Variants in TBCK observed in about 807,000 individuals in gnomAD.
The protein encoded by TBCK is TBC1 domain containing kinase, also known as TBC domain-containing protein kinase-like protein.
In TBCK, 99 loss-of-function variants were observed where a neutral mutation model predicts 113.4. That is an observed-to-expected ratio of 0.87 (90% CI 0.74 to 1.03). The LOEUF (loss-of-function observed/expected upper bound fraction) is 1.03. TBCK is among the 50% of genes least tolerant of loss of function. The pLI is 0.00. For missense variants in TBCK, 1,045 were observed against 1,061.3 expected, an observed-to-expected ratio of 0.98 and a Z score of 0.21; for synonymous variants, 369 against 370.8, an observed-to-expected ratio of 1.00 and a Z score of 0.05.
intron 19 of TBCK, among the ~76,000 whole-genome samples, chr4:106,224,061 G>A (rs1207246996): frequency 6.6e-6 from 1 of 151,926 alleles, no homozygotes; most frequent in Non-Finnish European, 1.5e-5. Context: ...GTGATAATTT[G>A]ATAGTACAAA....
At chr4:106,198,475 T>C (rs1338249126) in intron 20 of TBCK, among the ~76,000 whole-genome samples, 1 of 152,144 alleles carries the variant, frequency 6.6e-6, no homozygotes, top group Non-Finnish European at 1.5e-5. Context: ...CGATGCACTT[T>C]GCATTTTCTT....
intron 23 of TBCK, among the ~76,000 whole-genome samples, chr4:106,168,654 G>A (rs941465152): frequency 1.3e-5 from 2 of 151,832 alleles, no homozygotes; most frequent in African/African-American, 4.8e-5. Context: ...AGGACTCGAA[G>A]TTAATATAAA....
At chr4:106,252,352 A>C (rs1395018537) in intron 5 of TBCK, among the ~76,000 whole-genome samples, 1 of 151,884 alleles carries the variant, frequency 6.6e-6, no homozygotes, top group East Asian at 1.9e-4. Flanking sequence ...TTAATATTTA[A>C]AGTGCATTTT....
chr4:106,045,652 G>A lies in TBCK; in HGVS notation c.*918C>T, dbSNP rs555122828. 259 of 152,212 alleles carry A rather than the reference G, an allele frequency of 1.7e-3. 2 individuals are homozygous for A. Among genetic ancestry groups the A allele is most frequent in the African/African-American group, 6.0e-3 (250 of 41,496 alleles). 9.4% of individuals were successfully genotyped at this position (152,212 alleles called of 1,614,324 possible). The stretch of plus-strand genomic sequence containing the variant: ...ACCTTAAAGGGAAGGAGTGTGCTTC[G>A]CTTCTTTTCCTTTCTTTTCTTCTTT... On this transcript the variant is annotated 3_prime_UTR_variant, in exon 26 of 26. Coordinates refer to ENST00000394708, the MANE Select transcript of TBCK (RefSeq NM_001163435.3).
At chr4:106,063,503 A>G (rs1455371430) in intron 25 of TBCK, among the ~76,000 whole-genome samples, 1 of 151,904 alleles carries the variant, frequency 6.6e-6, no homozygotes, top group African/African-American at 2.4e-5. Context: ...TGTCTTATGA[A>G]GTTATTTTGA....
At chr4:106,164,206 T>C (rs1390910695) in intron 23 of TBCK, among the ~76,000 whole-genome samples, 2 of 151,996 alleles carry the variant, frequency 1.3e-5, no homozygotes, top group Admixed American at 1.3e-4. Flanking sequence ...TACAGAACAT[T>C]AGATAATGGC....
chr4:106,214,989 G>A (rs1010350733), intron 19 of TBCK, among the ~76,000 whole-genome samples: 8 of 151,096 alleles, frequency 5.3e-5, no homozygotes, highest in African/African-American at 7.3e-5. Flanking sequence ...CCCTCAAAGG[G>A]AAGCCCATCA....
chr4:106,074,874 A>G (rs1179175322), intron 25 of TBCK, among the ~76,000 whole-genome samples: 2 of 152,204 alleles, frequency 1.3e-5, no homozygotes, highest in Admixed American at 6.5e-5. Context: ...CAGAGGGACA[A>G]GCCAACCTGA....
At chr4:106,160,581 A>G (rs1013527248) in intron 23 of TBCK, among the ~76,000 whole-genome samples, 2 of 151,502 alleles carry the variant, frequency 1.3e-5, no homozygotes, top group African/African-American at 4.9e-5. Context: ...ATTCAAAAAA[A>G]AGAAGAAAAA....
intron 2 of TBCK, among the ~76,000 whole-genome samples, chr4:106,296,562 A>G (rs1766324354): frequency 6.6e-6 from 1 of 152,164 alleles, no homozygotes; most frequent in African/African-American, 2.4e-5. Flanking sequence ...GAGATGGACA[A>G]TTGTGTTCAG....
intron 3 of TBCK, among the ~76,000 whole-genome samples, chr4:106,278,224 G>C (rs1764211588): frequency 6.6e-6 from 1 of 152,048 alleles, no homozygotes; most frequent in Non-Finnish European, 1.5e-5. Context: ...TTTTCAGGCA[G>C]AAAGGACAGG....
At chr4:106,074,016 T>G (rs1010499079) in intron 25 of TBCK, among the ~76,000 whole-genome samples, 2 of 152,226 alleles carry the variant, frequency 1.3e-5, no homozygotes, top group African/African-American at 4.8e-5. Flanking sequence ...TGGTACGGTC[T>G]GTCATGGCTT....
chr4:106,300,580 A>C (rs1239901630), intron 2 of TBCK, among the ~76,000 whole-genome samples: 1 of 152,224 alleles, frequency 6.6e-6, no homozygotes, highest in African/African-American at 2.4e-5. Flanking sequence ...CCAACAAAGA[A>C]AAACATTATG....
At chr4:106,239,451 C>T (rs1759839437) in intron 12 of TBCK, among the ~76,000 whole-genome samples, 1 of 151,840 alleles carries the variant, frequency 6.6e-6, no homozygotes, top group Admixed American at 6.6e-5. Flanking sequence ...ACATATAACA[C>T]ATCAAATGAA....
At chr4:106,132,625 C>A (rs1746086996) in intron 23 of TBCK, among the ~76,000 whole-genome samples, 1 of 152,208 alleles carries the variant, frequency 6.6e-6, no homozygotes, top group South Asian at 2.1e-4. Context: ...GGTAGATCCA[C>A]TGAGAGCTTG....
At chr4:106,311,984 A>G (rs1438132296) in intron 1 of TBCK, among the ~76,000 whole-genome samples, 2 of 152,198 alleles carry the variant, frequency 1.3e-5, no homozygotes, top group African/African-American at 4.8e-5. Flanking sequence ...TGAAAACATA[A>G]GCGAATATCT....
At chr4:106,181,225 T>G (rs1449681082) in intron 22 of TBCK, among the ~76,000 whole-genome samples, 1 of 152,216 alleles carries the variant, frequency 6.6e-6, no homozygotes, top group Non-Finnish European at 1.5e-5. Flanking sequence ...CTTGGCTTTT[T>G]TCTTGTAAAT....
chr4:106,104,133 T>C (rs1375150009), intron 24 of TBCK, among the ~76,000 whole-genome samples: 2 of 152,198 alleles, frequency 1.3e-5, no homozygotes, highest in Non-Finnish European at 2.9e-5. Flanking sequence ...TTGGGCTTTC[T>C]GGCAAAAGTA....
intron 23 of TBCK, among the ~76,000 whole-genome samples, chr4:106,157,036 C>A (rs1375592447): frequency 9.2e-5 from 14 of 152,116 alleles, no homozygotes; most frequent in Non-Finnish European, 1.5e-5. Context: ...TATTCAGGGC[C>A]CAAGGGCACT....
Sources: gnomAD v4.1 joint callset for allele counts (sites outside exome capture counted in the v4.1 genomes callset) on GRCh38, gnomAD v4.1.1 for gene constraint, MANE v1.5 for transcripts, NCBI Gene and HGNC (gene_info 2026-07-23, HGNC 2026-07-21) for gene names.